The following DNAH9 variants were observed in gnomAD, a reference collection of about 807,000 sequenced individuals.
DNAH9 encodes DNAH9 variant protein.
Under a neutral mutation model 471.6 loss-of-function variants are expected in DNAH9, and 345 were observed. The ratio of observed to expected loss-of-function variants is 0.73; its 90% CI spans 0.67 to 0.80. The LOEUF (loss-of-function observed/expected upper bound fraction) is 0.80. DNAH9 is among the 30% of genes least tolerant of loss of function. The pLI is 0.00. For missense variants in DNAH9, 5,407 were observed against 5,609.2 expected, an observed-to-expected ratio of 0.96 and a Z score of 1.15; for synonymous variants, 2,093 against 2,123.6, an observed-to-expected ratio of 0.99 and a Z score of 0.40.
chr17:11,887,865 G>A (rs1324763965), intron 57 of DNAH9, among the ~76,000 whole-genome samples: 1 of 152,076 alleles, frequency 6.6e-6, no homozygotes, highest in Non-Finnish European at 1.5e-5. Flanking sequence ...GAAATCAGAA[G>A]GCCTCCAGTT....
In DNAH9 at chr17:11,927,311, T is replaced by C. The variant is rs57443304; in HGVS notation, c.11878-2555T>C. Among the ~76,000 whole-genome samples the C allele has an allele frequency of 8.5e-3, 1,295 of 152,328 alleles. 20 individuals carry two copies. The highest frequency in any genetic ancestry group is 0.03 in the African/African-American group (1,227 of 41,586). ...CTTTTGTTGCAATTGCTTTTAGCAT[T>C]TTTGTCATAAAATCTTTGCCCATGC... On this transcript the variant is annotated intron_variant, in intron 62 of 68. Coordinates refer to ENST00000262442, the MANE Select transcript of DNAH9 (RefSeq NM_001372.4).
At chr17:11,710,787 A>G (rs1434054841) in intron 26 of DNAH9, among the ~76,000 whole-genome samples, 2 of 152,120 alleles carry the variant, frequency 1.3e-5, no homozygotes, top group African/African-American at 2.4e-5. Context: ...ACCTGTTTTA[A>G]TCATTTAGGA....
In DNAH9 at chr17:11,651,168, C is replaced by A. The variant is rs762683092; in HGVS notation, c.2197C>A (p.Arg733=). 2 of 1,614,096 alleles carry A rather than the reference C, an allele frequency of 1.2e-6. No homozygotes were observed. The highest frequency in any genetic ancestry group is 1.7e-6 in the Non-Finnish European group (2 of 1,179,994). Reference sequence around the variant, plus strand: ...CATGTTCTCCTCCAGGGATTTCTATCGGCAGCTTGTGGCTAATTTAGAGTT... The same window carrying A: ...CATGTTCTCCTCCAGGGATTTCTATAGGCAGCTTGTGGCTAATTTAGAGTT... ...AAMFSSRDFY[R]QLVANLELMA... is the part of the protein sequence containing the mutation. Residue 733 remains arginine, a synonymous_variant, in exon 13 of 69, where the codon CGG becomes AGG. Transcript: ENST00000262442.
At chr17:11,889,287 A>C (rs910192169) in intron 57 of DNAH9, among the ~76,000 whole-genome samples, 1 of 152,246 alleles carries the variant, frequency 6.6e-6, no homozygotes, top group African/African-American at 2.4e-5. Flanking sequence ...ATTGGTCTCA[A>C]ATCGGAAGCC....
At chr17:11,920,959 A>G (rs1324486116) in intron 61 of DNAH9, among the ~76,000 whole-genome samples, 1 of 152,046 alleles carries the variant, frequency 6.6e-6, no homozygotes, top group Non-Finnish European at 1.5e-5. Flanking sequence ...TGGCCAACAT[A>G]GTGAAAGCTT....
chr17:11,730,643 A>C (rs1445256385), intron 28 of DNAH9, among the ~76,000 whole-genome samples: 2 of 152,162 alleles, frequency 1.3e-5, no homozygotes, highest in East Asian at 3.9e-4. Flanking sequence ...TCCTTGAGGC[A>C]GTTGTAATAA....
chr17:11,967,956 A>G (rs761154041), intron 68 of DNAH9, among the ~76,000 whole-genome samples: 32 of 152,220 alleles, frequency 2.1e-4, no homozygotes, highest in Non-Finnish European at 3.7e-4. Flanking sequence ...ACCTAACAAA[A>G]GAGCCCCCAA....
At chr17:11,697,571 T>G (rs2074498436) in intron 22 of DNAH9, among the ~76,000 whole-genome samples, 1 of 152,230 alleles carries the variant, frequency 6.6e-6, no homozygotes. Flanking sequence ...GCTTTTATGA[T>G]CTTGAAAAAG....
intron 67 of DNAH9, among the ~76,000 whole-genome samples, chr17:11,956,638 T>C (rs1175631750): frequency 1.3e-5 from 2 of 152,004 alleles, no homozygotes; most frequent in African/African-American, 4.8e-5. Context: ...TATAGCATAA[T>C]TGAACTAAAA....
intron 4 of DNAH9, among the ~76,000 whole-genome samples, chr17:11,615,303 G>A (rs534305180): frequency 6.6e-6 from 1 of 152,044 alleles, no homozygotes; most frequent in Non-Finnish European, 1.5e-5. Flanking sequence ...GTATGAGCTC[G>A]GCTGGGCACA....
intron 22 of DNAH9, among the ~76,000 whole-genome samples, chr17:11,696,738 C>T (rs567018766): frequency 1.4e-4 from 21 of 152,190 alleles, no homozygotes; most frequent in Middle Eastern, 3.4e-3. Flanking sequence ...AAAATATTTC[C>T]AAAGTAGTCC....
chr17:11,772,254 TTAA>T (rs1255448873), intron 38 of DNAH9, among the ~76,000 whole-genome samples: 2 of 151,924 alleles, frequency 1.3e-5, no homozygotes, highest in African/African-American at 2.4e-5. Context: ...ATTATTAAAA[TTAA>T]TAATCTAATA....
At position 11,652,945 on chromosome 17, in the gene DNAH9, G is replaced by T; in HGVS notation, c.2538G>T (p.Met846Ile). The change falls in exon 14 of 69, where the codon ATG becomes ATT. Residue 846 changes from methionine to isoleucine, a missense_variant. Physicochemically the swap from Met to Ile is conservative, Grantham distance 10 (BLOSUM62 1). Coordinates refer to ENST00000262442, the MANE Select transcript of DNAH9 (RefSeq NM_001372.4). ...LLSLDDRHDR[M>I]EKYYNLIKES... is the part of the protein sequence containing the mutation. Reference sequence around the variant, plus strand: ...CTCTGGATGATCGGCATGATCGAATGGAAAAATATTACAATCTCATCAAGG... The same window carrying T: ...CTCTGGATGATCGGCATGATCGAATTGAAAAATATTACAATCTCATCAAGG... 3 of 1,614,020 alleles carry T rather than the reference G, an allele frequency of 1.9e-6. No individual in the cohort carries two copies. The highest frequency in any genetic ancestry group is 2.5e-6 in the Non-Finnish European group (3 of 1,179,928).
rs200168509 is a variant in DNAH9 at position 11,932,057 on chromosome 17, T to C, written c.12149T>C (p.Ile4050Thr). 482 of 1,614,150 alleles carry C rather than the reference T, an allele frequency of 3.0e-4. 1 individual carries two copies. Among genetic ancestry groups the C allele is most frequent in the Non-Finnish European group, 3.1e-4 (365 of 1,180,034 alleles). The part of the protein sequence containing the change: ...MCSRETEFKS[I>T]LFALCYFHAV... ...TCTCGGGAGACGGAGTTTAAGAGCA[T>C]CCTCTTTGCTCTTTGTTACTTCCAT... The change falls in exon 64 of 69, where the codon ATC (isoleucine) becomes ACC (threonine). Residue 4050 changes from isoleucine to threonine, a missense_variant. By Grantham distance (89) the Ile-to-Thr change is moderately conservative. This residue lies in a region of DNAH9 where 4,636 missense variants were observed against 4,900.3 expected (regional missense o/e 0.95). Coordinates refer to ENST00000262442, the MANE Select transcript of DNAH9 (RefSeq NM_001372.4). This position sits in a 1 kb window ranked among gnomAD's most constrained non-coding sequence, Gnocchi z 4.3.
chr17:11,895,357 A>G (rs1973187742), intron 59 of DNAH9, among the ~76,000 whole-genome samples: 1 of 152,246 alleles, frequency 6.6e-6, no homozygotes, highest in South Asian at 2.1e-4. Flanking sequence ...GAGGAATAGC[A>G]TCTACATAAG....
At chr17:11,841,944 A>G (rs749715337) in intron 49 of DNAH9, among the ~76,000 whole-genome samples, 1 of 151,986 alleles carries the variant, frequency 6.6e-6, no homozygotes, top group African/African-American at 2.4e-5. Context: ...CCATTTTCTC[A>G]CAAGGTAGTT....
intron 17 of DNAH9, among the ~76,000 whole-genome samples, chr17:11,674,997 T>C (rs1423663389): frequency 1.3e-5 from 2 of 148,662 alleles, no homozygotes; most frequent in African/African-American, 4.9e-5. Flanking sequence ...GTCATCAGTT[T>C]GTAGAAGAAA....
In DNAH9 at chr17:11,644,508, G is replaced by C. The variant is rs1195146850; in HGVS notation, c.1902-123G>C. 4.4e-6 allele frequency: 3 copies of C among 681,972 alleles called. No individual in the cohort carries two copies. The East Asian group carries it at 8.9e-5, about 20-fold the overall frequency. The allele number at this position is 681,972 out of a possible 1,614,324, so 42.2% of individuals were successfully genotyped here. A position where few individuals can be genotyped will look rare whatever the true frequency, so the allele number is the denominator to read the frequency against. On this transcript the variant is annotated intron_variant, in intron 10 of 68. Transcript: ENST00000262442. Reference sequence around the variant, plus strand: ...TTCGCGAAGAAGAAAGGCTCTTTCAGGGCTGTTTGGAAACGAGCCAAGGAG... The same window carrying C: ...TTCGCGAAGAAGAAAGGCTCTTTCACGGCTGTTTGGAAACGAGCCAAGGAG...
chr17:11,752,986 A>T, intron 33 of DNAH9, 26 bp downstream of exon 33: 3 of 1,523,968 alleles, frequency 2.0e-6, no homozygotes, highest in Non-Finnish European at 2.6e-6. Flanking sequence ...ATATCCCTAG[A>T]TCATTTCTAA....
Sources: allele counts gnomAD v4.1 joint callset (sites outside exome capture counted in the v4.1 genomes callset), GRCh38; gene constraint gnomAD v4.1.1; regional missense constraint gnomAD v4.1.1; non-coding constraint Gnocchi (gnomAD v3.1); transcripts MANE v1.5; gene names NCBI Gene and HGNC (gene_info 2026-07-23, HGNC 2026-07-21).